Variants in PRKCZ observed in about 807,000 individuals in gnomAD.
PRKCZ encodes protein kinase C zeta, also known as protein kinase C zeta type.
Under a neutral mutation model 79.5 loss-of-function variants are expected in PRKCZ, and 33 were observed. The ratio of observed to expected loss-of-function variants is 0.41; its 90% CI spans 0.31 to 0.55. The LOEUF is 0.55. PRKCZ is among the 20% of genes least tolerant of loss of function. The pLI, the probability that PRKCZ is intolerant of heterozygous loss-of-function variation, is 0.19. For synonymous variants in PRKCZ, 342 were observed against 320.9 expected (o/e 1.07, Z -0.70); for missense variants, 578 against 813.5 (o/e 0.71, Z 3.52).
chr1:2,170,481 TA>T (rs1684217102), intron 11 of PRKCZ, among the ~76,000 whole-genome samples: 1 of 79,670 alleles, frequency 1.3e-5, no homozygotes, highest in South Asian at 5.6e-4. Context: ...ACGCTGTTTT[TA>T]AAAACTGTGG....
intron 9 of PRKCZ, among the ~76,000 whole-genome samples, chr1:2,153,188 GAC>G (rs927756756): frequency 2.0e-5 from 3 of 152,232 alleles, no homozygotes; most frequent in African/African-American, 7.2e-5. Flanking sequence ...TGGTGGCTTT[GAC>G]TCCCATGTCT....
intron 11 of PRKCZ, among the ~76,000 whole-genome samples, chr1:2,169,896 C>CA (rs1392371059): frequency 1.3e-5 from 2 of 151,956 alleles, no homozygotes; most frequent in Non-Finnish European, 2.9e-5. Context: ...CAGAGGGCAT[C>CA]ATGTCCCCCA....
intron 4 of PRKCZ, among the ~76,000 whole-genome samples, chr1:2,091,798 G>A (rs1316728001): frequency 1.3e-5 from 2 of 152,212 alleles, no homozygotes; most frequent in Middle Eastern, 3.2e-3. Flanking sequence ...CGATTACCAG[G>A]TGGGAGCAGC....
intron 4 of PRKCZ, among the ~76,000 whole-genome samples, chr1:2,081,672 G>T (rs1398407320): frequency 6.6e-6 from 1 of 152,276 alleles, no homozygotes; most frequent in South Asian, 2.1e-4. Flanking sequence ...GCGGTTGGGG[G>T]ACTGACCCCG....
intron 10 of PRKCZ, among the ~76,000 whole-genome samples, chr1:2,164,691 A>G (rs1272974488): frequency 1.3e-5 from 2 of 152,186 alleles, no homozygotes; most frequent in African/African-American, 2.4e-5. Flanking sequence ...TGCAAGCTTC[A>G]TTGGATTTTT....
rs542557102 is a variant in PRKCZ at position 2,094,017 on chromosome 1, T to C, written c.334+34426T>C. Among the ~76,000 whole-genome samples, 72 of 152,264 alleles carry C rather than the reference T, an allele frequency of 4.7e-4. 1 individual carries two copies. Among genetic ancestry groups the C allele is most frequent in the African/African-American group, 1.7e-3 (70 of 41,542 alleles). On this transcript the variant is annotated intron_variant, in intron 4 of 17. Coordinates refer to ENST00000378567, the MANE Select transcript of PRKCZ (RefSeq NM_002744.6). This position sits in a 1 kb window ranked among gnomAD's most constrained non-coding sequence, Gnocchi z 7.3. ...CTGCCTGACACGTGTGTCTGCTCCCTGCGGCACGTCCACAGCACCTGCCAG... is the reference window on the plus strand; with the variant it reads ...CTGCCTGACACGTGTGTCTGCTCCCCGCGGCACGTCCACAGCACCTGCCAG...
intron 4 of PRKCZ, among the ~76,000 whole-genome samples, chr1:2,108,197 T>A (rs984286466): frequency 3.9e-5 from 6 of 152,148 alleles, no homozygotes; most frequent in Non-Finnish European, 7.4e-5. Flanking sequence ...GGGGCCATGA[T>A]CCTTCTGGGC....
intron 4 of PRKCZ, among the ~76,000 whole-genome samples, chr1:2,062,550 G>T (rs1234211907): frequency 6.6e-6 from 1 of 150,974 alleles, no homozygotes; most frequent in East Asian, 2.0e-4. Flanking sequence ...GGAGTGCATG[G>T]TACAATCTTG....
At chr1:2,076,021 G>A (rs1194713609) in intron 4 of PRKCZ, among the ~76,000 whole-genome samples, 1 of 152,246 alleles carries the variant, frequency 6.6e-6, no homozygotes, top group East Asian at 1.9e-4. Flanking sequence ...CCAAAATGTG[G>A]GGTAGCCATC....
intron 4 of PRKCZ, among the ~76,000 whole-genome samples, chr1:2,097,289 G>A (rs528864762): frequency 3.9e-5 from 6 of 152,236 alleles, no homozygotes; most frequent in African/African-American, 9.6e-5. Flanking sequence ...CCGGGTCGTC[G>A]TCATATTCCG....
rs1255825222 is a variant in PRKCZ, at chr1:2,177,874, C to T, written c.1575+2561C>T. On this transcript the variant is annotated intron_variant, in intron 16 of 17. Coordinates refer to ENST00000378567, the MANE Select transcript of PRKCZ (RefSeq NM_002744.6). This position sits in a 1 kb window ranked among gnomAD's most constrained non-coding sequence, Gnocchi z 6.4. ...CCTGAGAGGCCTGCGAAGGGCTTGC[C>T]ACCGACTGCCAGCCCTGCCTCTGCC... is the stretch of plus-strand genomic sequence containing the variant. 6.6e-6 allele frequency among the ~76,000 whole-genome samples: 1 copy of T among 152,128 alleles called. No homozygotes were observed. Among genetic ancestry groups the T allele is most frequent in the African/African-American group, 2.4e-5 (1 of 41,410 alleles).
chr1:2,152,732 C>G (rs770148715), intron 9 of PRKCZ, among the ~76,000 whole-genome samples: 2 of 152,242 alleles, frequency 1.3e-5, no homozygotes, highest in Admixed American at 6.5e-5. Context: ...GGACTTCCGT[C>G]TTCTGCACGC....
At chr1:2,167,322 G>A (rs1431659220) in intron 10 of PRKCZ, among the ~76,000 whole-genome samples, 2 of 152,206 alleles carry the variant, frequency 1.3e-5, no homozygotes, top group Non-Finnish European at 2.9e-5. Flanking sequence ...AGCCTCCTGA[G>A]GCATTGTATT....
Position 2,125,538 on chromosome 1 carries a change from C to G in PRKCZ, c.335-9724C>G, listed in dbSNP as rs546880535. On this transcript the variant is annotated intron_variant, in intron 4 of 17. Transcript: ENST00000378567. This position sits in a 1 kb window ranked among gnomAD's most constrained non-coding sequence, Gnocchi z 4.2. ...TTGGCCCTTGTCCCACCCCTGCTCC[C>G]CTGAGGAGGGAGGCGTGGGGCCCTG... Among the ~76,000 whole-genome samples the G allele has an allele frequency of 6.0e-4, 92 of 152,272 alleles. No homozygotes were observed. Among genetic ancestry groups the G allele is most frequent in the African/African-American group, 2.1e-3 (86 of 41,562 alleles).
chr1:2,061,584 G>A (rs1056170674), intron 4 of PRKCZ, among the ~76,000 whole-genome samples: 14 of 152,152 alleles, frequency 9.2e-5, no homozygotes, highest in Admixed American at 6.5e-4. Context: ...CCACGGCTTC[G>A]GGGACCACTC....
rs1275095587 is a variant in PRKCZ, at chr1:2,172,404, C to T, written c.1285+16C>T. The T allele has an allele frequency of 6.8e-6, 11 of 1,606,858 alleles. No homozygotes were observed. Among genetic ancestry groups the T allele is most frequent in the Non-Finnish European group, 9.4e-6 (11 of 1,176,416 alleles). ...GAGGAGTACGGTGAGTGCCGCTGCC[C>T]TGGCCCCTCTCGGAGCACACAGGGC... On this transcript the variant is annotated intron_variant, in intron 13 of 17. Transcript: ENST00000378567. This position sits in a 1 kb window ranked among gnomAD's most constrained non-coding sequence, Gnocchi z 7.8.
chr1:2,086,835 G>A (rs891538433), intron 4 of PRKCZ, among the ~76,000 whole-genome samples: 2 of 152,182 alleles, frequency 1.3e-5, no homozygotes, highest in Admixed American at 6.5e-5. Flanking sequence ...CTTCGAATGC[G>A]GATGACACAG....
intron 4 of PRKCZ, among the ~76,000 whole-genome samples, chr1:2,129,397 C>T (rs944398215): frequency 6.6e-5 from 10 of 152,106 alleles, no homozygotes; most frequent in Admixed American, 5.9e-4. Flanking sequence ...TCAGAAAGCA[C>T]GGTCAGAAAG....
chr1:2,163,504 C>T (rs1013819667), intron 10 of PRKCZ, among the ~76,000 whole-genome samples: 2 of 152,220 alleles, frequency 1.3e-5, no homozygotes, highest in Non-Finnish European at 2.9e-5. Flanking sequence ...TGAGCAGCAG[C>T]GTGAAGCTGA....
Sources: allele counts gnomAD v4.1 joint callset (sites outside exome capture counted in the v4.1 genomes callset), GRCh38; gene constraint gnomAD v4.1.1; non-coding constraint Gnocchi (gnomAD v3.1); transcripts MANE v1.5; gene names NCBI Gene and HGNC (gene_info 2026-07-23, HGNC 2026-07-21).